WDR36: variants seen among roughly 807,000 people sequenced by gnomAD.
The protein encoded by WDR36 is WD repeat-containing protein 36.
In WDR36, 63 loss-of-function variants were observed where a neutral mutation model predicts 112.7. The ratio of observed to expected loss-of-function variants is 0.56; its 90% confidence interval spans 0.46 to 0.69. The LOEUF is 0.69. Among genes scored for constraint, WDR36 ranks in the 30% least tolerant of loss-of-function variants. The pLI is 0.00. For synonymous variants in WDR36, 410 were observed against 362.2 expected (o/e 1.13, Z -1.50); for missense variants, 1,226 against 1,070.3 (o/e 1.15, Z -2.03).
At chr5:111,103,697 T>G in intron 6 of WDR36, 89 bp from the exon 7 acceptor site, 1 of 1,518,634 alleles carries the variant, frequency 6.6e-7, no homozygotes, top group Non-Finnish European at 9.0e-7. Flanking sequence ...ATTATTTCTT[T>G]TGATAACACC....
rs1246561876 is a variant in WDR36 at position 111,111,158 on chromosome 5, T to G, written c.1608-12T>G. The stretch of plus-strand genomic sequence containing the variant: ...TTTTTGTTTATTAAAACTGGTGCAT[T>G]TATCTTGCTAGTGGCATTCTGGGAC... On this transcript the variant is annotated splice_polypyrimidine_tract_variant and intron_variant, in intron 14 of 22. Coordinates refer to ENST00000513710, the MANE Select transcript of WDR36 (RefSeq NM_139281.3). 4 of 1,610,448 alleles carry G rather than the reference T, an allele frequency of 2.5e-6. No individual in the cohort carries two copies. The highest frequency in any genetic ancestry group is 3.4e-6 in the Non-Finnish European group (4 of 1,177,124).
At position 111,113,802 on chromosome 5, in the gene WDR36, G is replaced by A. The variant is rs771599423; in HGVS notation, c.1796+649G>A. 2.2e-4 allele frequency among the ~76,000 whole-genome samples: 34 copies of A among 152,090 alleles called. 1 individual carries two copies. Among genetic ancestry groups the A allele is most frequent in the African/African-American group, 5.3e-4 (22 of 41,414 alleles). On this transcript the variant is annotated intron_variant, in intron 16 of 22. Transcript: ENST00000513710. ...GAATCACAGAGTAAGGGGACTGAGCGTGATAATGTAATAGCTTGAGTCTGT... is the reference window on the plus strand; with the variant it reads ...GAATCACAGAGTAAGGGGACTGAGCATGATAATGTAATAGCTTGAGTCTGT...
intron 16 of WDR36, among the ~76,000 whole-genome samples, chr5:111,118,122 G>C (rs1273735716): frequency 6.6e-6 from 1 of 152,116 alleles, no homozygotes; most frequent in Admixed American, 6.6e-5. Flanking sequence ...TCGATTATAA[G>C]ATTAACACAA....
At chr5:111,123,956 T>C (rs1300984079) in intron 20 of WDR36, 32 bp downstream of exon 20, 1 of 1,612,624 alleles carries the variant, frequency 6.2e-7, no homozygotes, top group African/African-American at 1.3e-5. Context: ...TCTAAGTATA[T>C]CGGTGTATGT....
At chr5:111,116,771 T>G (rs1237354688) in intron 16 of WDR36, among the ~76,000 whole-genome samples, 2 of 152,160 alleles carry the variant, frequency 1.3e-5, no homozygotes, top group East Asian at 3.9e-4. Flanking sequence ...GGAAGTCCCA[T>G]CTACCCACAC....
intron 19 of WDR36, among the ~76,000 whole-genome samples, chr5:111,121,680 A>G (rs1385020831): frequency 6.6e-6 from 1 of 152,176 alleles, no homozygotes; most frequent in Non-Finnish European, 1.5e-5. Flanking sequence ...TGGTGAAGAA[A>G]AAACAGCCCC....
chr5:111,096,139 C>T (rs910255597), intron 2 of WDR36, among the ~76,000 whole-genome samples: 4 of 152,108 alleles, frequency 2.6e-5, no homozygotes, highest in African/African-American at 9.7e-5. Flanking sequence ...TCTACTAACC[C>T]TCCTGCCCCA....
chr5:111,125,027 G>A (rs185165534), intron 21 of WDR36, among the ~76,000 whole-genome samples: 3 of 152,206 alleles, frequency 2.0e-5, no homozygotes, highest in African/African-American at 7.2e-5. Context: ...AGTGTACTGA[G>A]TGTGTTTTCC....
At position 111,130,349 on chromosome 5, in the gene WDR36, A is replaced by C; in HGVS notation, c.*3466A>C. The C allele has an allele frequency of 1.1e-5, 2 of 187,040 alleles. No homozygotes were observed. Among genetic ancestry groups the C allele is most frequent in the East Asian group, 1.7e-4 (2 of 11,630 alleles). 11.6% of individuals were successfully genotyped at this position (187,040 alleles called of 1,614,324 possible). A position where few individuals can be genotyped will look rare whatever the true frequency, so the allele number is the denominator to read the frequency against. ...GTTGAAAAAAGTTTGCATATAAGTG[A>C]AACTTAGCATTTCAAACCTGTGTTG... On this transcript the variant is annotated 3_prime_UTR_variant, in exon 23 of 23. Coordinates refer to ENST00000513710, the MANE Select transcript of WDR36 (RefSeq NM_139281.3).
Position 111,126,910 on chromosome 5 carries a change from T to G in WDR36, c.*27T>G, listed in dbSNP as rs1344077127. 4 of 1,560,664 alleles carry G rather than the reference T, an allele frequency of 2.6e-6. No individual in the cohort carries two copies. Among genetic ancestry groups the G allele is most frequent in the Non-Finnish European group, 3.5e-6 (4 of 1,149,268 alleles). On this transcript the variant is annotated 3_prime_UTR_variant, in exon 23 of 23. Transcript: ENST00000513710. ...AATAAATTTGTGACTAAACAAAGACTTTCATATTAAATGGGTTCAATTGAA... is the reference window on the plus strand; with the variant it reads ...AATAAATTTGTGACTAAACAAAGACGTTCATATTAAATGGGTTCAATTGAA...
chr5:111,098,265 C>T (rs1753036280), intron 3 of WDR36, among the ~76,000 whole-genome samples: 1 of 152,146 alleles, frequency 6.6e-6, no homozygotes, highest in African/African-American at 2.4e-5. Context: ...CTGTAAGGAT[C>T]TCTGTCAAAG....
intron 3 of WDR36, 71 bp downstream of exon 3, chr5:111,097,250 T>C: frequency 1.8e-6 from 2 of 1,097,460 alleles, no homozygotes; most frequent in Non-Finnish European, 2.8e-6. Context: ...AACTTTAATT[T>C]TGTCATTCTT....
intron 12 of WDR36, among the ~76,000 whole-genome samples, chr5:111,109,511 T>C (rs1034746432): frequency 6.6e-6 from 1 of 151,358 alleles, no homozygotes; most frequent in African/African-American, 2.4e-5. Context: ...AGATGTAAAT[T>C]GAATTATCTC....
intron 19 of WDR36, among the ~76,000 whole-genome samples, chr5:111,122,125 T>C (rs931768825): frequency 1.1e-4 from 17 of 152,216 alleles, no homozygotes; most frequent in African/African-American, 4.1e-4. Context: ...AGCATAAAGG[T>C]GTGCTGTCTA....
At position 111,105,330 on chromosome 5, in the gene WDR36, C is replaced by G; in HGVS notation, c.1063C>G (p.His355Asp). ...AACTCTTCAGTCATTTTCCACGGTA[C>G]ATGAAAAATTCAATAAGAGCTTGGG... is the stretch of plus-strand genomic sequence containing the variant. ...DGTLQSFSTVHEKFNKSLGHG... is the reference protein window; with the variant it reads ...DGTLQSFSTVDEKFNKSLGHG... Residue 355 changes from histidine to aspartate, a missense_variant, in exon 10 of 23, where the codon CAT (histidine) becomes GAT (aspartate). By Grantham distance (81) the His-to-Asp change is moderately conservative (BLOSUM62 -1). Coordinates refer to ENST00000513710, the MANE Select transcript of WDR36 (RefSeq NM_139281.3). 1 of 1,609,948 alleles carries G rather than the reference C, an allele frequency of 6.2e-7. No individual in the cohort carries two copies. The highest frequency in any genetic ancestry group is 2.2e-5 in the East Asian group (1 of 44,696).
intron 22 of WDR36, 80 bp from the exon 23 acceptor site, chr5:111,126,654 T>C (rs1753683611): frequency 6.8e-7 from 1 of 1,476,652 alleles, no homozygotes; most frequent in Non-Finnish European, 9.4e-7. Flanking sequence ...CTTTTGTGGT[T>C]CCTTGGTAGA....
At chr5:111,121,291 T>G in intron 19 of WDR36, 150 bp downstream of exon 19, 1 of 807,126 alleles carries the variant, frequency 1.2e-6, no homozygotes, top group Non-Finnish European at 2.0e-6. Context: ...TCAAATATTG[T>G]TTAATATGGT....
In WDR36 at chr5:111,103,934, C is replaced by T; in HGVS notation, c.730+16C>T. 1 of 1,609,978 alleles carries T rather than the reference C, an allele frequency of 6.2e-7. No individual in the cohort carries two copies. Among genetic ancestry groups the T allele is most frequent in the Non-Finnish European group, 8.5e-7 (1 of 1,177,760 alleles). On this transcript the variant is annotated intron_variant, in intron 7 of 22. Coordinates refer to ENST00000513710, the MANE Select transcript of WDR36 (RefSeq NM_139281.3). ...TTTCGCACAGGTAACTTTTAACATA[C>T]TTATTGATAGGAGTTAAGAACACTT...
rs1320261579 is a variant in WDR36, at chr5:111,092,374, C to A, written c.-83C>A. On this transcript the variant is annotated 5_prime_UTR_variant, in exon 1 of 23. The change creates a new upstream start codon in the 5' untranslated region. Transcript: ENST00000513710. ...TTGTGTCTGCAGCTCTGGCAGAGGACTGTTCCACTAGACACGCTGAAGGGA... is the reference window on the plus strand; with the variant it reads ...TTGTGTCTGCAGCTCTGGCAGAGGAATGTTCCACTAGACACGCTGAAGGGA... 1.9e-6 allele frequency: 3 copies of A among 1,614,128 alleles called. No homozygotes were observed. The highest frequency in any genetic ancestry group is 2.7e-5 in the African/African-American group (2 of 74,948).
Sources: gnomAD v4.1 joint callset for allele counts (sites outside exome capture counted in the v4.1 genomes callset) on GRCh38, gnomAD v4.1.1 for gene constraint, MANE v1.5 for transcripts, NCBI Gene and HGNC (gene_info 2026-07-23, HGNC 2026-07-21) for gene names.